The following SCLT1 variants were observed in gnomAD, a reference collection of about 807,000 sequenced individuals.
SCLT1 encodes sodium channel and clathrin linker 1.
In SCLT1, 78 loss-of-function variants were observed where a neutral mutation model predicts 112.8. The ratio of observed to expected loss-of-function variants is 0.69; its 90% CI spans 0.58 to 0.83. SCLT1 has a LOEUF of 0.83. Among genes scored for constraint, SCLT1 ranks in the 40% least tolerant of loss-of-function variants. The pLI, the probability that SCLT1 is intolerant of heterozygous loss-of-function variation, is 0.00. For missense variants in SCLT1, 747 were observed against 770.4 expected (o/e 0.97, Z 0.36); for synonymous variants, 257 against 254.7 (o/e 1.01, Z -0.09).
At chr4:128,933,423 C>T (rs1736932219) in intron 18 of SCLT1, among the ~76,000 whole-genome samples, 1 of 151,880 alleles carries the variant, frequency 6.6e-6, no homozygotes. Flanking sequence ...TTTTGATATC[C>T]AGATAGTCCC....
chr4:129,023,674 CAGACAGTGGGTGCA>C (rs1210011149), intron 5 of SCLT1, among the ~76,000 whole-genome samples: 1 of 152,160 alleles, frequency 6.6e-6, no homozygotes, highest in Non-Finnish European at 1.5e-5. Flanking sequence ...TAGGGGGTGC[CAGACAGTGGGTGCA>C]GGACAGTGGG....
intron 5 of SCLT1, among the ~76,000 whole-genome samples, chr4:129,028,034 A>G (rs1304156248): frequency 6.6e-6 from 1 of 152,212 alleles, no homozygotes; most frequent in Non-Finnish European, 1.5e-5. Context: ...AGAGGATACA[A>G]ACAAATGGAA....
At chr4:128,879,093 A>AC, downstream of SCLT1, among the ~76,000 whole-genome samples, 1 of 152,096 alleles carries the variant, frequency 6.6e-6, no homozygotes, top group East Asian at 1.9e-4. Flanking sequence ...AAACCTGCAC[A>AC]TTGTGCACAT....
At chr4:128,916,224 G>T (rs1197598214) in intron 18 of SCLT1, among the ~76,000 whole-genome samples, 3 of 152,198 alleles carry the variant, frequency 2.0e-5, no homozygotes, top group Non-Finnish European at 2.9e-5. Flanking sequence ...AATCAGAGCA[G>T]ATTTGGGTAT....
chr4:129,070,063 G>A (rs552958648), intron 2 of SCLT1, among the ~76,000 whole-genome samples: 36 of 152,064 alleles, frequency 2.4e-4, no homozygotes, highest in Non-Finnish European at 4.3e-4. Flanking sequence ...CACACGTATT[G>A]ACTTGCATAT....
intron 2 of SCLT1, among the ~76,000 whole-genome samples, chr4:129,048,423 CAT>C: frequency 6.6e-6 from 1 of 150,930 alleles, no homozygotes; most frequent in African/African-American, 2.4e-5. Flanking sequence ...ACTGGCTAGC[CAT>C]ATGTAGAAAG....
At chr4:129,020,256 C>T (rs866340971) in intron 5 of SCLT1, among the ~76,000 whole-genome samples, 1 of 152,096 alleles carries the variant, frequency 6.6e-6, no homozygotes, top group Non-Finnish European at 1.5e-5. Flanking sequence ...ATGTCTAAAG[C>T]CAAAGTAAGG....
chr4:128,995,258 A>G (rs141141451), intron 8 of SCLT1, among the ~76,000 whole-genome samples: 222 of 152,218 alleles, frequency 1.5e-3, no homozygotes, highest in African/African-American at 5.1e-3. Flanking sequence ...TAGATTTCCC[A>G]ACTCCATTTT....
At chr4:128,949,446 G>A (rs1329682752) in intron 14 of SCLT1, among the ~76,000 whole-genome samples, 1 of 151,822 alleles carries the variant, frequency 6.6e-6, no homozygotes, top group African/African-American at 2.4e-5. Context: ...TGTTACATAT[G>A]TATACGTGTG....
In SCLT1 at chr4:129,045,862, G is replaced by C. The variant is rs144765058; in HGVS notation, c.103-1811C>G. Among the ~76,000 whole-genome samples, 67 of 152,124 alleles carry C rather than the reference G, an allele frequency of 4.4e-4. 1 individual carries two copies. Among genetic ancestry groups the C allele is most frequent in the African/African-American group, 1.5e-3 (64 of 41,532 alleles). ...TTACCTACTATGTGTAAGGGCCCAT[G>C]GGAGGTACAGTAAATAATACAAAGA... On this transcript the variant is annotated intron_variant, in intron 2 of 20. Transcript: ENST00000281142.
chr4:128,874,908 C>CTTATT (rs1440409811), intron 4 of SCLT1: 2 of 151,552 alleles, frequency 1.3e-5, no homozygotes, highest in Non-Finnish European at 2.9e-5. Context: ...GTGTACAAAT[C>CTTATT]TTATTTTGAA....
chr4:129,068,308 C>G (rs760170730), intron 2 of SCLT1, among the ~76,000 whole-genome samples: 8 of 152,266 alleles, frequency 5.3e-5, no homozygotes, highest in Non-Finnish European at 7.4e-5. Context: ...CTGATTTCCA[C>G]AGTGGTTGTG....
chr4:128,971,509 A>C (rs1740687002), intron 9 of SCLT1: 4 of 152,138 alleles, frequency 2.6e-5, no homozygotes, highest in African/African-American at 9.7e-5. Flanking sequence ...GACACTCGAT[A>C]ATAACTGTGA....
intron 5 of SCLT1, among the ~76,000 whole-genome samples, chr4:129,021,123 G>T (rs1745433845): frequency 6.6e-6 from 1 of 152,138 alleles, no homozygotes; most frequent in African/African-American, 2.4e-5. Context: ...GTAGGGTGGG[G>T]TGTCGCTTTA....
chr4:129,063,933 C>T (rs1333728846), intron 2 of SCLT1, among the ~76,000 whole-genome samples: 3 of 152,190 alleles, frequency 2.0e-5, no homozygotes, highest in African/African-American at 7.2e-5. Context: ...GGGAATCTCT[C>T]TTGGAACCGA....
At chr4:128,967,510 C>T (rs976357743) in intron 10 of SCLT1, among the ~76,000 whole-genome samples, 13 of 152,154 alleles carry the variant, frequency 8.5e-5, no homozygotes, top group East Asian at 1.9e-4. Flanking sequence ...GCAATATTGC[C>T]GGCATCTGTA....
intron 4 of SCLT1, among the ~76,000 whole-genome samples, chr4:129,042,651 AT>A (rs1437837818): frequency 6.6e-6 from 1 of 151,996 alleles, no homozygotes; most frequent in Non-Finnish European, 1.5e-5. Context: ...TGAAGAGAAT[AT>A]TTTTTTTCTT....
At chr4:128,907,420 A>G (rs1734773273) in intron 18 of SCLT1, among the ~76,000 whole-genome samples, 1 of 152,152 alleles carries the variant, frequency 6.6e-6, no homozygotes, top group South Asian at 2.1e-4. Flanking sequence ...TATCTAGGAG[A>G]TTGAATTAGT....
intron 18 of SCLT1, among the ~76,000 whole-genome samples, chr4:128,921,473 C>G (rs1346929483): frequency 3.3e-5 from 5 of 152,090 alleles, no homozygotes; most frequent in Admixed American, 2.0e-4. Flanking sequence ...ACCAATGGAA[C>G]AGAATAGACA....
Sources: gnomAD v4.1 joint callset for allele counts (sites outside exome capture counted in the v4.1 genomes callset) on GRCh38, gnomAD v4.1.1 for gene constraint, MANE v1.5 for transcripts, NCBI Gene and HGNC (gene_info 2026-07-23, HGNC 2026-07-21) for gene names.